Variants in EMC2 observed in about 807,000 individuals in gnomAD.
EMC2 encodes ER membrane protein complex subunit 2, also known as TPR repeat protein 35.
EMC2 carries 37 observed loss-of-function variants against 51.6 expected under a neutral mutation model. The ratio of observed to expected loss-of-function variants is 0.72; its 90% CI spans 0.55 to 0.94. The LOEUF is 0.94. Among genes scored for constraint, EMC2 ranks in the 40% least tolerant of loss-of-function variants. The pLI, the probability that EMC2 is intolerant of heterozygous loss-of-function variation, is 0.00. For synonymous variants in EMC2, 131 were observed against 112.4 expected, an observed-to-expected ratio of 1.17 and a Z score of -1.04; for missense variants, 359 against 350.9, an observed-to-expected ratio of 1.02 and a Z score of -0.18.
intron 7 of EMC2, among the ~76,000 whole-genome samples, 184 bp downstream of exon 7, chr8:108,470,305 A>G (rs1482870040): frequency 1.3e-5 from 2 of 152,198 alleles, no homozygotes; most frequent in African/African-American, 4.8e-5. Flanking sequence ...ATAATAAGTG[A>G]ATAGCTTTAA....
chr8:108,473,432 C>T (rs1810894316), intron 7 of EMC2, among the ~76,000 whole-genome samples: 1 of 151,954 alleles, frequency 6.6e-6, no homozygotes, highest in African/African-American at 2.4e-5. Context: ...AGTAAGAATG[C>T]AGATATTTTA....
chr8:108,473,445 A>G (rs1460109809), intron 7 of EMC2, among the ~76,000 whole-genome samples: 1 of 152,080 alleles, frequency 6.6e-6, no homozygotes, highest in Non-Finnish European at 1.5e-5. Context: ...ATATTTTAAA[A>G]TCTGAAAACT....
At chr8:108,475,607 G>T (rs1255687700) in intron 7 of EMC2, 1 of 317,470 alleles carries the variant, frequency 3.1e-6, no homozygotes, top group Non-Finnish European at 5.8e-6. Flanking sequence ...ATGGGATGTA[G>T]TAGGAGTGAC....
chr8:108,443,967 C>T (rs1454778063), intron 1 of EMC2, among the ~76,000 whole-genome samples: 1 of 152,028 alleles, frequency 6.6e-6, no homozygotes, highest in South Asian at 2.1e-4. Context: ...ATTTATGAGG[C>T]GGGCGGGAGG....
intron 5 of EMC2, among the ~76,000 whole-genome samples, chr8:108,461,727 C>T (rs1273738326): frequency 6.6e-6 from 1 of 152,036 alleles, no homozygotes; most frequent in Non-Finnish European, 1.5e-5. Flanking sequence ...TTGAGAAAGT[C>T]ATACACATGT....
At chr8:108,482,734 T>C (rs2130418090) in intron 10 of EMC2, among the ~76,000 whole-genome samples, 1 of 152,002 alleles carries the variant, frequency 6.6e-6, no homozygotes, top group Non-Finnish European at 1.5e-5. Flanking sequence ...TAGACGCATG[T>C]CACCGTGCTC....
At chr8:108,446,387 TG>T in intron 1 of EMC2, 1 of 341,628 alleles carries the variant, frequency 2.9e-6, no homozygotes, top group South Asian at 2.2e-5. Context: ...AGATTGAATT[TG>T]GGTTGAGAGA....
intron 10 of EMC2, among the ~76,000 whole-genome samples, chr8:108,485,087 G>A (rs1811110183): frequency 6.6e-6 from 1 of 151,766 alleles, no homozygotes; most frequent in African/African-American, 2.4e-5. Flanking sequence ...AGGAAGTGAG[G>A]GAATCATAAT....
intron 9 of EMC2, 149 bp downstream of exon 9, chr8:108,477,041 G>A (rs2291171): frequency 0.65 from 308,246 of 475,912 alleles, 102,143 homozygotes; most frequent in African/African-American, 0.81. Context: ...AATAGCTTGT[G>A]AGCCAGTTTT....
intron 1 of EMC2, 48 bp from the exon 2 acceptor site, chr8:108,449,775 T>G (rs1818970894): frequency 4.9e-6 from 4 of 817,128 alleles, no homozygotes; most frequent in Non-Finnish European, 6.1e-6. Context: ...GATGTGTATG[T>G]GTGTGTCTGG....
Position 108,449,891 on chromosome 8 carries a change from G to A in EMC2, c.109G>A (p.Gly37Arg). ...SRNSEQIVEV[G>R]EELINEYASK... ...AAATAGTGAGCAAATTGTGGAAGTT[G>A]GAGAAGAATTAATTAATGAATATGC... is the stretch of plus-strand genomic sequence containing the variant. The change falls in exon 2 of 11, where the codon GGA (glycine) becomes AGA (arginine). Residue 37 changes from glycine (G) to arginine (R), a missense_variant. Physicochemically the swap from Gly to Arg is moderately radical, Grantham distance 125. Coordinates refer to ENST00000220853, the MANE Select transcript of EMC2 (RefSeq NM_014673.5). 1.9e-6 allele frequency: 3 copies of A among 1,595,614 alleles called. No homozygotes were observed. The highest frequency in any genetic ancestry group is 2.6e-6 in the Non-Finnish European group (3 of 1,164,600).
chr8:108,465,877 A>G (rs1244183983), intron 5 of EMC2, among the ~76,000 whole-genome samples: 1 of 152,226 alleles, frequency 6.6e-6, no homozygotes, highest in Non-Finnish European at 1.5e-5. Flanking sequence ...ATGGTCATCC[A>G]GATTTCTACT....
chr8:108,458,250 G>A lies in EMC2; in HGVS notation c.363+2320G>A, dbSNP rs908781724. 3.3e-5 allele frequency among the ~76,000 whole-genome samples: 5 copies of A among 152,188 alleles called. No individual in the cohort carries two copies. In the East Asian group the frequency reaches 7.7e-4, roughly 24 times the overall value. On this transcript the variant is annotated intron_variant, in intron 5 of 10. Transcript: ENST00000220853. ...GTGTTGAGTGTCTTTAGATTTTCCA[G>A]GTGCATGGTGCAAGCTGTCAGTGGT...
At chr8:108,449,588 A>G (rs1028691378) in intron 1 of EMC2, among the ~76,000 whole-genome samples, 1 of 152,032 alleles carries the variant, frequency 6.6e-6, no homozygotes, top group Admixed American at 6.5e-5. Flanking sequence ...TCACTTCTAA[A>G]GATAGTCATA....
At chr8:108,463,716 G>C (rs1489875652) in intron 5 of EMC2, among the ~76,000 whole-genome samples, 1 of 151,850 alleles carries the variant, frequency 6.6e-6, no homozygotes, top group Non-Finnish European at 1.5e-5. Context: ...GAGGGTGGGG[G>C]TCGATTTTTA....
At chr8:108,477,352 T>C (rs1194189705) in intron 9 of EMC2, among the ~76,000 whole-genome samples, 1 of 152,002 alleles carries the variant, frequency 6.6e-6, no homozygotes, top group African/African-American at 2.4e-5. Flanking sequence ...GTGGGAAGTA[T>C]GTAATGACCT....
At chr8:108,466,662 C>T (rs1368591376) in intron 5 of EMC2, among the ~76,000 whole-genome samples, 1 of 151,862 alleles carries the variant, frequency 6.6e-6, no homozygotes. Context: ...CTGTGTTGTC[C>T]AGGTTGTTCT....
At chr8:108,469,033 C>T (rs1232133923) in intron 5 of EMC2, among the ~76,000 whole-genome samples, 1 of 152,204 alleles carries the variant, frequency 6.6e-6, no homozygotes, top group Non-Finnish European at 1.5e-5. Context: ...CACTCTGACA[C>T]AGCATGTGTC....
intron 5 of EMC2, among the ~76,000 whole-genome samples, chr8:108,462,755 G>A (rs573461796): frequency 2.1e-5 from 3 of 142,238 alleles, no homozygotes; most frequent in Non-Finnish European, 4.6e-5. Context: ...TTTTTTTTTT[G>A]AGAAGGAGTC....
Sources: gnomAD v4.1 joint callset for allele counts (sites outside exome capture counted in the v4.1 genomes callset) on GRCh38, gnomAD v4.1.1 for gene constraint, MANE v1.5 for transcripts, NCBI Gene and HGNC (gene_info 2026-07-23, HGNC 2026-07-21) for gene names.